Variants in ELAPOR2 observed in about 807,000 individuals in gnomAD.
ELAPOR2 encodes endosome/lysosome-associated apoptosis and autophagy regulator family member 2.
A neutral mutation model predicts 120.7 loss-of-function variants in ELAPOR2; 89 were observed. The ratio of observed to expected loss-of-function variants is 0.74; its 90% confidence interval spans 0.62 to 0.88. The LOEUF is 0.88. ELAPOR2 is among the 40% of genes least tolerant of loss of function. The pLI, the probability that ELAPOR2 is intolerant of heterozygous loss-of-function variation, is 0.00. For missense variants in ELAPOR2, 1,134 were observed against 1,251.6 expected (o/e 0.91, Z 1.42); for synonymous variants, 444 against 444.9 (o/e 1.00, Z 0.03).
At chr7:87,007,090 T>C (rs1021608710) in intron 1 of ELAPOR2, among the ~76,000 whole-genome samples, 5 of 152,112 alleles carry the variant, frequency 3.3e-5, no homozygotes, top group South Asian at 2.1e-4. Flanking sequence ...GGAAAGAAAA[T>C]GGAGTGTTTT....
intron 2 of ELAPOR2, among the ~76,000 whole-genome samples, chr7:86,964,546 G>A (rs2116480822): frequency 6.6e-6 from 1 of 152,236 alleles, no homozygotes; most frequent in Non-Finnish European, 1.5e-5. Flanking sequence ...TAGACACTTA[G>A]AAATGGTGAC....
intron 1 of ELAPOR2, among the ~76,000 whole-genome samples, chr7:86,986,233 T>A (rs1175422838): frequency 8.4e-6 from 1 of 119,290 alleles, no homozygotes; most frequent in Non-Finnish European, 1.7e-5. Context: ...ATCGAGACCA[T>A]CCCGGCTAAA....
intron 2 of ELAPOR2, among the ~76,000 whole-genome samples, chr7:86,949,854 G>C (rs1453447366): frequency 1.3e-5 from 2 of 152,228 alleles, no homozygotes; most frequent in African/African-American, 4.8e-5. Flanking sequence ...TGACCGAACA[G>C]CCTGGGTGCC....
At chr7:87,029,690 T>G (rs1311561808) in intron 1 of ELAPOR2, among the ~76,000 whole-genome samples, 1 of 152,192 alleles carries the variant, frequency 6.6e-6, no homozygotes, top group African/African-American at 2.4e-5. Flanking sequence ...CATTCTTGCT[T>G]GTTCAAATTA....
intron 1 of ELAPOR2, among the ~76,000 whole-genome samples, chr7:87,050,645 A>G: frequency 6.6e-6 from 1 of 152,214 alleles, no homozygotes; most frequent in Non-Finnish European, 1.5e-5. Context: ...ACAGTCTTGT[A>G]TTAATGAAGC....
At chr7:87,029,349 C>G (rs1286570087) in intron 1 of ELAPOR2, among the ~76,000 whole-genome samples, 1 of 152,144 alleles carries the variant, frequency 6.6e-6, no homozygotes, top group East Asian at 1.9e-4. Flanking sequence ...GGATTCTTAA[C>G]CCTGGCTATG....
chr7:86,898,520 A>C (rs1455735608), intron 18 of ELAPOR2, among the ~76,000 whole-genome samples: 1 of 149,200 alleles, frequency 6.7e-6, no homozygotes, highest in African/African-American at 2.5e-5. Context: ...TATTTCTATA[A>C]AGGTTTTTGT....
chr7:86,881,337 C>T (rs1454913654), intron 21 of ELAPOR2, among the ~76,000 whole-genome samples: 2 of 151,378 alleles, frequency 1.3e-5, no homozygotes, highest in Non-Finnish European at 2.9e-5. Context: ...GCTGGGACCT[C>T]AGATGCGAGC....
chr7:86,883,490 G>C (rs190995254), intron 21 of ELAPOR2, among the ~76,000 whole-genome samples: 2 of 152,152 alleles, frequency 1.3e-5, no homozygotes, highest in Non-Finnish European at 2.9e-5. Context: ...ACTGGAAATA[G>C]CACAGGTATC....
At chr7:86,956,189 T>C (rs887147858) in intron 2 of ELAPOR2, among the ~76,000 whole-genome samples, 2 of 152,150 alleles carry the variant, frequency 1.3e-5, no homozygotes, top group African/African-American at 4.8e-5. Context: ...TTTTTAATTT[T>C]TCACTAAGAG....
intron 15 of ELAPOR2, 89 bp downstream of exon 15, chr7:86,911,983 A>C: frequency 6.3e-6 from 8 of 1,272,050 alleles, no homozygotes; most frequent in Middle Eastern, 1.9e-4. Flanking sequence ...TGATATCCAT[A>C]GAGAATTTAT....
At chr7:87,044,748 T>C (rs1294861583) in intron 1 of ELAPOR2, among the ~76,000 whole-genome samples, 1 of 151,822 alleles carries the variant, frequency 6.6e-6, no homozygotes, top group East Asian at 1.9e-4. Context: ...AAAGCCAAAA[T>C]TGACAAACGG....
chr7:86,889,808 C>T (rs1375665122), intron 21 of ELAPOR2, among the ~76,000 whole-genome samples: 6 of 151,654 alleles, frequency 4.0e-5, no homozygotes, highest in Non-Finnish European at 5.9e-5. Flanking sequence ...CCTTTTTGTC[C>T]AAATCTTATG....
At chr7:86,905,572 T>A (rs1788972696) in intron 18 of ELAPOR2, among the ~76,000 whole-genome samples, 1 of 152,084 alleles carries the variant, frequency 6.6e-6, no homozygotes, top group African/African-American at 2.4e-5. Context: ...CCCTTTAGAC[T>A]GTCACATTTT....
chr7:86,994,463 G>T (rs1163096921), intron 1 of ELAPOR2, among the ~76,000 whole-genome samples: 1 of 152,164 alleles, frequency 6.6e-6, no homozygotes, highest in African/African-American at 2.4e-5. Context: ...TAAATAAAAT[G>T]CACATCCCTG....
At chr7:87,002,841 C>A (rs1793361388) in intron 1 of ELAPOR2, among the ~76,000 whole-genome samples, 1 of 152,118 alleles carries the variant, frequency 6.6e-6, no homozygotes. Flanking sequence ...GAGCATGGGA[C>A]ACTTCTGTGA....
At chr7:86,929,003 A>G (rs1749051969) in intron 8 of ELAPOR2, among the ~76,000 whole-genome samples, 1 of 151,914 alleles carries the variant, frequency 6.6e-6, no homozygotes, top group African/African-American at 2.4e-5. Context: ...CCAATAATCA[A>G]TTCATTCTTT....
chr7:86,885,842 A>C (rs533158128), intron 21 of ELAPOR2, among the ~76,000 whole-genome samples: 1 of 152,260 alleles, frequency 6.6e-6, no homozygotes, highest in Non-Finnish European at 1.5e-5. Flanking sequence ...ATACAGTAGA[A>C]CTTGATGTTA....
chr7:87,010,028 C>T (rs1793605094), intron 1 of ELAPOR2, among the ~76,000 whole-genome samples: 5 of 152,170 alleles, frequency 3.3e-5, no homozygotes, highest in Admixed American at 3.3e-4. Flanking sequence ...TCAAACCATT[C>T]TATTTCTCTA....
Sources: gnomAD v4.1 joint callset for allele counts (sites outside exome capture counted in the v4.1 genomes callset) on GRCh38, gnomAD v4.1.1 for gene constraint, MANE v1.5 for transcripts, NCBI Gene and HGNC (gene_info 2026-07-23, HGNC 2026-07-21) for gene names.